ADA: variants seen among roughly 807,000 people sequenced by gnomAD.
ADA encodes the protein adenosine deaminase.
ADA carries 45 observed loss-of-function variants against 49.0 expected under a neutral mutation model. The observed-to-expected ratio is 0.92, with a 90% CI of 0.72 to 1.18. ADA has a LOEUF of 1.18. ADA is among the 50% of genes most tolerant of loss of function. The probability of loss-of-function intolerance (pLI) is 0.00; values close to 1 mark genes in which losing one functional copy is unlikely to be tolerated. For synonymous variants in ADA, 173 were observed against 184.2 expected (o/e 0.94, Z 0.49); for missense variants, 445 against 472.5 (o/e 0.94, Z 0.54).
At chr20:44,623,172 C>A in intron 6 of ADA, 94 bp from the exon 7 acceptor site, 2 of 1,571,632 alleles carry the variant, frequency 1.3e-6, no homozygotes, top group East Asian at 2.3e-5. Context: ...CCATCCTAGT[C>A]ATGCTGCCTG....
chr20:44,625,614 C>T lies in ADA; in HGVS notation c.433G>A (p.Gly145Arg). ...CACAGGATGGACCGGGCCTTGACCC[C>T]GAAGTCTCGCTCCCCCTCCTGCAGG... ...QGLQEGERDF[G>R]VKARSILCCM... Residue 145 changes from glycine to arginine, a missense_variant, in exon 5 of 12, where the codon GGG becomes AGG. Physicochemically the swap from Gly to Arg is moderately radical, Grantham distance 125. Transcript: ENST00000372874. The T allele has an allele frequency of 5.7e-6, 9 of 1,587,266 alleles. No homozygotes were observed. The highest frequency in any genetic ancestry group is 6.9e-6 in the Non-Finnish European group (8 of 1,166,712).
chr20:44,638,005 G>A (rs1387507258), intron 1 of ADA, among the ~76,000 whole-genome samples: 1 of 152,168 alleles, frequency 6.6e-6, no homozygotes. Flanking sequence ...CTGAGCCTCT[G>A]TTTTCTATCC....
chr20:44,629,867 G>A (rs892508111), intron 2 of ADA, among the ~76,000 whole-genome samples: 22 of 152,052 alleles, frequency 1.4e-4, no homozygotes, highest in Non-Finnish European at 1.0e-4. Flanking sequence ...CAAGCATCTC[G>A]GCCTCCCCTC....
intron 1 of ADA, among the ~76,000 whole-genome samples, chr20:44,642,942 C>T (rs35545345): frequency 0.083 from 12,681 of 152,220 alleles, 597 homozygotes; most frequent in African/African-American, 0.1. Context: ...CCACCATGAC[C>T]AGTAGCACTC....
chr20:44,651,208 G>A lies in ADA; in HGVS notation c.33+367C>T, dbSNP rs868533888. On this transcript the variant is annotated intron_variant, in intron 1 of 11. Transcript: ENST00000372874. ...CAGTAGGCGCCGGGCACAGCACTAG[G>A]TGCCTATCCGGCGTAGACATCGGGC... Among the ~76,000 whole-genome samples, 53 of 152,316 alleles carry A rather than the reference G, an allele frequency of 3.5e-4. 1 individual carries two copies. Among genetic ancestry groups the A allele is most frequent in the African/African-American group, 1.1e-3 (45 of 41,580 alleles).
At chr20:44,623,652 C>CCCTTCCTTCCTTCTTT (rs1055517942) in intron 6 of ADA, among the ~76,000 whole-genome samples, 1 of 151,904 alleles carries the variant, frequency 6.6e-6, no homozygotes, top group African/African-American at 2.4e-5. Context: ...CTTTCTCTCT[C>CCCTTCCTTCCTTCTTT]CCTTCCTTCC....
chr20:44,623,581 C>A lies in ADA; in HGVS notation c.607-503G>T, dbSNP rs575523345. Among the ~76,000 whole-genome samples the A allele has an allele frequency of 2.0e-5, 3 of 152,252 alleles. No individual in the cohort carries two copies. The South Asian group carries it at 6.2e-4, about 32-fold the overall frequency. On this transcript the variant is annotated intron_variant, in intron 6 of 11. Coordinates refer to ENST00000372874, the MANE Select transcript of ADA (RefSeq NM_000022.4). ...AGACACAGTGTTGCCCAGGTTCACACAGCAAATCACAGCCAGAAGCAGGCT... is the reference window on the plus strand; with the variant it reads ...AGACACAGTGTTGCCCAGGTTCACAAAGCAAATCACAGCCAGAAGCAGGCT...
At chr20:44,623,612 C>T (rs2065352858) in intron 6 of ADA, among the ~76,000 whole-genome samples, 1 of 151,196 alleles carries the variant, frequency 6.6e-6, no homozygotes, top group African/African-American at 2.5e-5. Context: ...AGGCTCAGCA[C>T]AGGACTCCCA....
intron 1 of ADA, among the ~76,000 whole-genome samples, chr20:44,644,832 C>T (rs764552513): frequency 1.3e-5 from 2 of 152,220 alleles, no homozygotes; most frequent in Non-Finnish European, 2.9e-5. Flanking sequence ...GGCCTGACAG[C>T]TCTGCTGCTG....
At chr20:44,628,993 C>T in intron 3 of ADA, 54 bp downstream of exon 3, 1 of 1,613,388 alleles carries the variant, frequency 6.2e-7, no homozygotes, top group Non-Finnish European at 8.5e-7. Flanking sequence ...CAGGCCTGGT[C>T]CTAGTCATAG....
chr20:44,622,179 A>G (rs903339215), intron 9 of ADA, among the ~76,000 whole-genome samples: 2 of 152,228 alleles, frequency 1.3e-5, no homozygotes, highest in African/African-American at 4.8e-5. Flanking sequence ...GAAAGCTTCA[A>G]GATGGCGCTC....
intron 2 of ADA, among the ~76,000 whole-genome samples, chr20:44,632,484 G>A (rs1236587789): frequency 6.6e-6 from 1 of 152,130 alleles, no homozygotes; most frequent in Non-Finnish European, 1.5e-5. Flanking sequence ...CTAATGTGGG[G>A]GCCCGACAGG....
Position 44,624,632 on chromosome 20 carries a change from C to T in ADA, c.479-303G>A, listed in dbSNP as rs907877246. ...CGGGGCCTGAGCTCAGTAAATGACA[C>T]GGACCCTTCTCTCACCTGGTGTTTC... On this transcript the variant is annotated intron_variant, in intron 5 of 11. Coordinates refer to ENST00000372874, the MANE Select transcript of ADA (RefSeq NM_000022.4). 6.6e-5 allele frequency among the ~76,000 whole-genome samples: 10 copies of T among 152,328 alleles called. 1 individual carries two copies. The highest frequency in any genetic ancestry group is 6.5e-5 in the Admixed American group (1 of 15,302).
chr20:44,619,891 G>A lies in ADA; in HGVS notation c.1079-44C>T, dbSNP rs772310153. On this transcript the variant is annotated intron_variant, in intron 11 of 11. Coordinates refer to ENST00000372874, the MANE Select transcript of ADA (RefSeq NM_000022.4). ...AAGCAAAAAGATCAGGCAACTTGTA[G>A]TACCCAGGATGTTGTAAAAATCATA... 33 of 1,613,768 alleles carry A rather than the reference G, an allele frequency of 2.0e-5. 1 individual carries two copies. In the South Asian group the frequency reaches 3.3e-4, roughly 16 times the overall value.
chr20:44,637,343 G>A (rs187746977), intron 1 of ADA, among the ~76,000 whole-genome samples: 2 of 152,274 alleles, frequency 1.3e-5, no homozygotes, highest in East Asian at 3.9e-4. Flanking sequence ...AAGAAAAATT[G>A]TAAGGATTAA....
Position 44,620,388 on chromosome 20 carries a change from G to A in ADA, c.989C>T (p.Ala330Val), listed in dbSNP as rs759355046. The change falls in exon 11 of 12, where the codon GCC becomes GTC. Residue 330 changes from alanine (A) to valine (V), a missense_variant. By Grantham distance (64) the Ala-to-Val change is moderately conservative. Coordinates refer to ENST00000372874, the MANE Select transcript of ADA (RefSeq NM_000022.4). ...ATCTTCTGGGAGGAAACTAGATTTG[G>A]CCGCATTGATGTTCTGGAAAGGCCA... ...EEFKRLNINA[A>V]KSSFLPEDEK... 6.2e-7 allele frequency: 1 copy of A among 1,614,210 alleles called. No individual in the cohort carries two copies. Among genetic ancestry groups the A allele is most frequent in the Non-Finnish European group, 8.5e-7 (1 of 1,180,026 alleles).
At chr20:44,641,735 G>T (rs1031928610) in intron 1 of ADA, among the ~76,000 whole-genome samples, 1 of 151,938 alleles carries the variant, frequency 6.6e-6, no homozygotes, top group Non-Finnish European at 1.5e-5. Context: ...GCTACTTCTG[G>T]CTAAAGTATT....
At chr20:44,646,753 C>T (rs2065596063) in intron 1 of ADA, among the ~76,000 whole-genome samples, 2 of 152,070 alleles carry the variant, frequency 1.3e-5, no homozygotes, top group South Asian at 4.1e-4. Context: ...GGCTAATGCA[C>T]TGGCCCACCC....
intron 1 of ADA, among the ~76,000 whole-genome samples, chr20:44,644,759 C>T (rs968551438): frequency 3.3e-5 from 5 of 152,198 alleles, no homozygotes; most frequent in African/African-American, 4.8e-5. Flanking sequence ...ATCTAGGCTC[C>T]GCCAGCTCCG....
Sources: gnomAD v4.1 joint callset for allele counts (sites outside exome capture counted in the v4.1 genomes callset) on GRCh38, gnomAD v4.1.1 for gene constraint, MANE v1.5 for transcripts, NCBI Gene and HGNC (gene_info 2026-07-23, HGNC 2026-07-21) for gene names.